FOLR1: variants seen among roughly 807,000 people sequenced by gnomAD.
FOLR1 encodes the protein KB cells FBP.
Under a neutral mutation model 22.8 loss-of-function variants are expected in FOLR1, and 11 were observed. The observed-to-expected ratio is 0.48, with a 90% CI of 0.30 to 0.80. The LOEUF is 0.80. Ranked by LOEUF, FOLR1 falls within the 30% of genes least tolerant of loss-of-function variation. The probability of loss-of-function intolerance (pLI) is 0.06; values close to 1 mark genes in which losing one functional copy is unlikely to be tolerated. For missense variants in FOLR1, 273 were observed against 320.3 expected, an observed-to-expected ratio of 0.85 and a Z score of 1.13; for synonymous variants, 108 against 116.5, an observed-to-expected ratio of 0.93 and a Z score of 0.47.
rs1214316833 is a variant in FOLR1, at chr11:72,195,390, C to CA, written c.291dup (p.Arg98ThrfsTer43). On this transcript the variant is annotated frameshift_variant, in exon 2 of 4. Transcript: ENST00000393676. LOFTEE classifies it high-confidence loss of function. ...ACTGTGGAGAGATGGCACCTGCCTG[C>CA]AAACGGCATTTCATCCAGGACACCT... 1.2e-6 allele frequency: 2 copies of CA among 1,614,230 alleles called. No individual in the cohort carries two copies. Among genetic ancestry groups the CA allele is most frequent in the Non-Finnish European group, 8.5e-7 (1 of 1,180,040 alleles).
At chr11:72,190,571 C>T (rs987984306), upstream of FOLR1, 2 of 152,116 alleles carry the variant, frequency 1.3e-5, no homozygotes, top group African/African-American at 2.4e-5. Context: ...GGTTTGTTCC[C>T]GCAGGAACTG....
In FOLR1 at chr11:72,196,035, A is replaced by T; in HGVS notation, c.632A>T (p.Gln211Leu). 4.3e-6 allele frequency: 7 copies of T among 1,614,242 alleles called. No individual in the cohort carries two copies. Among genetic ancestry groups the T allele is most frequent in the Non-Finnish European group, 5.9e-6 (7 of 1,180,048 alleles). The part of the protein sequence containing the change: ...NYSRGSGRCI[Q>L]MWFDPAQGNP... The stretch of plus-strand genomic sequence containing the variant: ...AGCCGAGGGAGTGGCCGCTGCATCC[A>T]GATGTGGTTCGACCCAGCCCAGGGC... The change falls in exon 4 of 4, where the codon CAG (glutamine) becomes CTG (leucine). Residue 211 changes from glutamine (Q) to leucine (L), a missense_variant. Transcript: ENST00000393676.
At chr11:72,194,945 T>C (rs146014816) in intron 1 of FOLR1, among the ~76,000 whole-genome samples, 47 of 152,380 alleles carry the variant, frequency 3.1e-4, no homozygotes, top group African/African-American at 1.1e-3. Flanking sequence ...TGCTTAATTT[T>C]TGTCCAAAGC....
upstream of FOLR1, chr11:72,190,466 A>G (rs936162118): frequency 3.3e-5 from 5 of 152,160 alleles, no homozygotes; most frequent in Non-Finnish European, 7.3e-5. Context: ...GCCTCAAGAT[A>G]GTTTGCTTCT....
At chr11:72,192,791 C>A (rs1467809195) in intron 1 of FOLR1, among the ~76,000 whole-genome samples, 1 of 151,674 alleles carries the variant, frequency 6.6e-6, no homozygotes, top group Non-Finnish European at 1.5e-5. Flanking sequence ...GAGACAAAGT[C>A]TCCATATGTT....
upstream of FOLR1, chr11:72,189,862 A>G (rs999975356): frequency 6.6e-6 from 1 of 152,318 alleles, no homozygotes; most frequent in Non-Finnish European, 1.5e-5. Context: ...GTTTGCCTGA[A>G]GGCCAGAGAA....
At position 72,195,672 on chromosome 11, in the gene FOLR1, G is replaced by C; in HGVS notation, c.418G>C (p.Glu140Gln). 1 of 1,614,234 alleles carries C rather than the reference G, an allele frequency of 6.2e-7. No individual in the cohort carries two copies. The highest frequency in any genetic ancestry group is 8.5e-7 in the Non-Finnish European group (1 of 1,180,044). ...LNVPLCKEDCEQWWEDCRTSY... is the reference protein window; with the variant it reads ...LNVPLCKEDCQQWWEDCRTSY... ...CGTGCCCCTGTGCAAAGAGGACTGT[G>C]AGCAATGGTGGGAAGATTGTCGCAC... is the stretch of plus-strand genomic sequence containing the variant. The change falls in exon 3 of 4, where the codon GAG (glutamate) becomes CAG (glutamine). Residue 140 changes from glutamate (E) to glutamine (Q), a missense_variant. Physicochemically the swap from Glu to Gln is conservative, Grantham distance 29. Coordinates refer to ENST00000393676, the MANE Select transcript of FOLR1 (RefSeq NM_016729.3).
At chr11:72,195,552 C>A in intron 2 of FOLR1, 60 bp from the exon 3 acceptor site, 1 of 1,613,362 alleles carries the variant, frequency 6.2e-7, no homozygotes, top group Non-Finnish European at 8.5e-7. Flanking sequence ...CAGTTCTATT[C>A]GGGGCTGAGT....
At chr11:72,192,662 A>G (rs1948172131) in intron 1 of FOLR1, among the ~76,000 whole-genome samples, 1 of 152,194 alleles carries the variant, frequency 6.6e-6, no homozygotes, top group Non-Finnish European at 1.5e-5. Flanking sequence ...CAAAGATCTG[A>G]GGGAAGAAAC....
In FOLR1 at chr11:72,192,178, C is replaced by T; in HGVS notation, c.5C>T (p.Ala2Val). 1 of 1,614,156 alleles carries T rather than the reference C, an allele frequency of 6.2e-7. No individual in the cohort carries two copies. The stretch of plus-strand genomic sequence containing the variant: ...GCTCTTTCTTCAGGGACAGACATGG[C>T]TCAGCGGATGACAACACAGCTGCTG... MAQRMTTQLLLL... is the reference protein window; with the variant it reads MVQRMTTQLLLL... The change falls in exon 1 of 4, where the codon GCT becomes GTT. Residue 2 changes from alanine to valine, a missense_variant. By Grantham distance (64) the Ala-to-Val change is moderately conservative. Coordinates refer to ENST00000393676, the MANE Select transcript of FOLR1 (RefSeq NM_016729.3).
In FOLR1 at chr11:72,195,922, T is replaced by C. The variant is rs776132728; in HGVS notation, c.519T>C (p.Ala173=). 6.2e-7 allele frequency: 1 copy of C among 1,614,112 alleles called. No homozygotes were observed. Among genetic ancestry groups the C allele is most frequent in the Admixed American group, 1.7e-5 (1 of 60,002 alleles). ...GGTTTAACAAGTGCGCAGTGGGAGC[T>C]GCCTGCCAACCTTTCCATTTCTACT... ...TSGFNKCAVG[A]ACQPFHFYFP... Residue 173 remains alanine (A), a synonymous_variant, in exon 4 of 4, where the codon GCT becomes GCC. Coordinates refer to ENST00000393676, the MANE Select transcript of FOLR1 (RefSeq NM_016729.3).
In FOLR1 at chr11:72,195,973, T is replaced by G; in HGVS notation, c.570T>G (p.Asn190Lys). The change falls in exon 4 of 4, where the codon AAT (asparagine) becomes AAG (lysine). Residue 190 changes from asparagine (N) to lysine (K), a missense_variant. Physicochemically the swap from Asn to Lys is moderately conservative, Grantham distance 94. Transcript: ENST00000393676. ...FYFPTPTVLCNEIWTHSYKVS... is the reference protein window; with the variant it reads ...FYFPTPTVLCKEIWTHSYKVS... ...TCCCCACACCCACTGTTCTGTGCAA[T>G]GAAATCTGGACTCACTCCTACAAGG... is the stretch of plus-strand genomic sequence containing the variant. 1 of 1,614,180 alleles carries G rather than the reference T, an allele frequency of 6.2e-7. No homozygotes were observed. The highest frequency in any genetic ancestry group is 8.5e-7 in the Non-Finnish European group (1 of 1,180,042).
At chr11:72,192,111 C>T, upstream of FOLR1, 1 of 1,598,128 alleles carries the variant, frequency 6.3e-7, no homozygotes, top group East Asian at 2.2e-5. Context: ...CTGCACACAA[C>T]TTAAGGCCCC....
upstream of FOLR1, among the ~76,000 whole-genome samples, chr11:72,191,488 A>G (rs1051575665): frequency 1.3e-5 from 2 of 151,408 alleles, no homozygotes; most frequent in Non-Finnish European, 2.9e-5. Context: ...TCAGCCTCCC[A>G]CGTAGCTGGG....
intron 1 of FOLR1, among the ~76,000 whole-genome samples, chr11:72,193,509 C>A (rs1948184857): frequency 1.3e-5 from 2 of 151,728 alleles, no homozygotes; most frequent in South Asian, 2.1e-4. Flanking sequence ...TGCAGTGGCA[C>A]AATCTCAGCT....
rs367814110 is a variant in FOLR1, at chr11:72,196,214, C to G, written c.*37C>G. The G allele has an allele frequency of 6.2e-7, 1 of 1,612,332 alleles. No homozygotes were observed. The highest frequency in any genetic ancestry group is 1.3e-5 in the African/African-American group (1 of 74,890). On this transcript the variant is annotated 3_prime_UTR_variant, in exon 4 of 4. Coordinates refer to ENST00000393676, the MANE Select transcript of FOLR1 (RefSeq NM_016729.3). The stretch of plus-strand genomic sequence containing the variant: ...CTTCTGATACCTGGAAATCCCTGCC[C>G]TGTTCAGCCCCACAGCTCCCAACTA...
At position 72,195,309 on chromosome 11, in the gene FOLR1, C is replaced by T; in HGVS notation, c.207C>T (p.Asn69=). ...GGAAGAATGCCTGCTGTTCTACCAA[C>T]ACCAGCCAGGAAGCCCATAAGGATG... ...PWRKNACCST[N]TSQEAHKDVS... The change falls in exon 2 of 4, where the codon AAC becomes AAT. Residue 69 remains asparagine (N), a synonymous_variant. Transcript: ENST00000393676. 6.2e-7 allele frequency: 1 copy of T among 1,614,068 alleles called. No individual in the cohort carries two copies. Among genetic ancestry groups the T allele is most frequent in the Non-Finnish European group, 8.5e-7 (1 of 1,180,036 alleles).
chr11:72,193,036 A>G (rs559968076), intron 1 of FOLR1, among the ~76,000 whole-genome samples: 71 of 152,302 alleles, frequency 4.7e-4, no homozygotes, highest in African/African-American at 1.6e-3. Context: ...GAAAAAGCAG[A>G]GGAAAAGTAA....
intron 1 of FOLR1, among the ~76,000 whole-genome samples, chr11:72,193,641 A>G (rs1948186992): frequency 6.6e-6 from 1 of 151,754 alleles, no homozygotes; most frequent in Non-Finnish European, 1.5e-5. Context: ...TGGTATTTTT[A>G]GTAGAGATGG....
Sources: gnomAD v4.1 joint callset for allele counts (sites outside exome capture counted in the v4.1 genomes callset) on GRCh38, gnomAD v4.1.1 for gene constraint, MANE v1.5 for transcripts, NCBI Gene and HGNC (gene_info 2026-07-23, HGNC 2026-07-21) for gene names.